Variants in SLC8A1 observed in about 807,000 individuals in gnomAD.
SLC8A1 encodes solute carrier family 8 member A1.
SLC8A1 carries 18 observed loss-of-function variants against 68.3 expected under a neutral mutation model. The ratio of observed to expected loss-of-function variants is 0.26; its 90% CI spans 0.18 to 0.39. SLC8A1 has a LOEUF of 0.39. Ranked by LOEUF, SLC8A1 falls within the 10% of genes least tolerant of loss-of-function variation. The pLI, the probability that SLC8A1 is intolerant of heterozygous loss-of-function variation, is 1.00. For synonymous variants in SLC8A1, 475 were observed against 415.5 expected (o/e 1.14, Z -1.74); for missense variants, 985 against 1,156.7 (o/e 0.85, Z 2.15).
chr2:40,388,790 GA>G (rs200538097), intron 2 of SLC8A1, among the ~76,000 whole-genome samples: 2,644 of 152,096 alleles, frequency 0.017, 40 homozygotes, highest in African/African-American at 0.045. Context: ...ACATGACTTA[GA>G]AAAAAGTAAA....
chr2:40,490,458 A>G (rs1232891868), intron 1 of SLC8A1, among the ~76,000 whole-genome samples: 1 of 152,154 alleles, frequency 6.6e-6, no homozygotes, highest in Non-Finnish European at 1.5e-5. Flanking sequence ...GTTTGTTTGT[A>G]TAAGTATAAA....
intron 2 of SLC8A1, among the ~76,000 whole-genome samples, chr2:40,389,873 A>C (rs1243854815): frequency 2.0e-5 from 3 of 150,866 alleles, no homozygotes; most frequent in Non-Finnish European, 4.4e-5. Flanking sequence ...CAATGTTATA[A>C]TCAGCCAGTC....
rs193040875 is a variant in SLC8A1, at chr2:40,215,433, C to T, written c.1809-37578G>A. On this transcript the variant is annotated intron_variant, in intron 2 of 7. Coordinates refer to ENST00000406785, the Ensembl canonical transcript of SLC8A1. ...CGGGTGGATCATGAGGTCAGGAGAT[C>T]GAGACCATCCTGGCTAACAAGGTGA... 9.1e-3 allele frequency among the ~76,000 whole-genome samples: 1,374 copies of T among 151,820 alleles called. 67 individuals carry two copies. The highest frequency in any genetic ancestry group is 0.08 in the Admixed American group (1,214 of 15,250).
chr2:40,318,889 A>G (rs2074836139), intron 2 of SLC8A1, among the ~76,000 whole-genome samples: 1 of 152,030 alleles, frequency 6.6e-6, no homozygotes, highest in South Asian at 2.1e-4. Context: ...ACTTTTCAAT[A>G]CAATGTTTGA....
At chr2:40,167,139 A>G (rs2046685911) in intron 4 of SLC8A1, among the ~76,000 whole-genome samples, 3 of 152,230 alleles carry the variant, frequency 2.0e-5, no homozygotes, top group Admixed American at 2.0e-4. Flanking sequence ...ATGAAGTCAA[A>G]TCATACAATG....
At chr2:40,421,898 G>C (rs982328346) in intron 2 of SLC8A1, among the ~76,000 whole-genome samples, 1 of 152,144 alleles carries the variant, frequency 6.6e-6, no homozygotes, top group Non-Finnish European at 1.5e-5. Context: ...GCAGCATGTC[G>C]AGCCAGGAGA....
chr2:40,463,106 GAC>G (rs934746480), intron 1 of SLC8A1, among the ~76,000 whole-genome samples: 4 of 152,156 alleles, frequency 2.6e-5, no homozygotes, highest in African/African-American at 7.2e-5. Flanking sequence ...GCAGCAAGAA[GAC>G]ACAGAGAGTG....
At chr2:40,411,292 G>A (rs1272435730) in intron 2 of SLC8A1, among the ~76,000 whole-genome samples, 1 of 151,984 alleles carries the variant, frequency 6.6e-6, no homozygotes, top group Non-Finnish European at 1.5e-5. Context: ...CATACACTCA[G>A]CAAATATTAG....
At chr2:40,490,738 T>C (rs145303510) in intron 1 of SLC8A1, among the ~76,000 whole-genome samples, 127 of 152,134 alleles carry the variant, frequency 8.3e-4, no homozygotes, top group African/African-American at 2.7e-3. Context: ...ACTTGGCAAA[T>C]ATATTGAACA....
intron 7 of SLC8A1, among the ~76,000 whole-genome samples, chr2:40,127,909 C>T (rs949532124): frequency 6.6e-6 from 1 of 152,162 alleles, no homozygotes; most frequent in Admixed American, 6.5e-5. Context: ...AAAATACGGG[C>T]ACTAACGGAG....
At chr2:40,457,093 G>C (rs747899653) in intron 1 of SLC8A1, among the ~76,000 whole-genome samples, 43 of 152,128 alleles carry the variant, frequency 2.8e-4, no homozygotes, top group Non-Finnish European at 5.3e-4. Flanking sequence ...GAATTTCAAA[G>C]ACAGTCATTT....
chr2:40,244,925 A>G (rs745929973), intron 2 of SLC8A1, among the ~76,000 whole-genome samples: 4 of 152,214 alleles, frequency 2.6e-5, no homozygotes, highest in Non-Finnish European at 4.4e-5. Flanking sequence ...CATTCTCTGG[A>G]AAAGGTCTGC....
At chr2:40,465,912 G>C (rs1384241559) in intron 1 of SLC8A1, among the ~76,000 whole-genome samples, 1 of 152,092 alleles carries the variant, frequency 6.6e-6, no homozygotes, top group African/African-American at 2.4e-5. Context: ...GGTCTTTTGG[G>C]GAGTGGATTT....
intron 2 of SLC8A1, among the ~76,000 whole-genome samples, chr2:40,328,543 C>T (rs2076084176): frequency 3.3e-5 from 5 of 152,156 alleles, no homozygotes; most frequent in Admixed American, 3.3e-4. Context: ...CTGCGAATCC[C>T]CCAATCTCTA....
intron 2 of SLC8A1, among the ~76,000 whole-genome samples, chr2:40,311,896 G>GA (rs1459218216): frequency 6.6e-6 from 1 of 152,094 alleles, no homozygotes; most frequent in African/African-American, 2.4e-5. Flanking sequence ...CACAAACTCA[G>GA]AAAATAGTTC....
chr2:40,160,897 G>T (rs2045558544), intron 5 of SLC8A1, 33 bp from the exon 9 acceptor site: 1 of 1,535,058 alleles, frequency 6.5e-7, no homozygotes, highest in South Asian at 1.1e-5. Context: ...TATAAATGCT[G>T]GGTTCGCTAA....
chr2:40,108,517 C>T (rs368504753), exon 8 of SLC8A1: 3 of 152,118 alleles, frequency 2.0e-5, no homozygotes, highest in East Asian at 1.9e-4. Flanking sequence ...TCCCAAATGC[C>T]ATATTACTCA....
At chr2:40,492,499 C>A (rs1383260172) in intron 1 of SLC8A1, among the ~76,000 whole-genome samples, 1 of 151,882 alleles carries the variant, frequency 6.6e-6, no homozygotes, top group Non-Finnish European at 1.5e-5. Context: ...CAAATGGGAT[C>A]TAATTAAACT....
At chr2:40,481,836 C>T (rs558077554) in intron 1 of SLC8A1, among the ~76,000 whole-genome samples, 4 of 152,256 alleles carry the variant, frequency 2.6e-5, no homozygotes, top group African/African-American at 9.6e-5. Context: ...ACAAATTCTG[C>T]AAAATGAAGT....
Sources: allele counts gnomAD v4.1 joint callset (sites outside exome capture counted in the v4.1 genomes callset), GRCh38; gene constraint gnomAD v4.1.1; transcripts MANE v1.5; gene names NCBI Gene and HGNC (gene_info 2026-07-23, HGNC 2026-07-21).